Variants in EYA2 observed in about 807,000 individuals in gnomAD.
The protein encoded by EYA2 is protein phosphatase EYA2.
A neutral mutation model predicts 69.2 loss-of-function variants in EYA2; 31 were observed. The observed-to-expected ratio is 0.45, with a 90% CI of 0.34 to 0.60. EYA2 has a LOEUF of 0.60. Among genes scored for constraint, EYA2 ranks in the 20% least tolerant of loss-of-function variants. EYA2 has a pLI of 0.02. For missense variants in EYA2, 622 were observed against 701.2 expected (o/e 0.89, Z 1.28); for synonymous variants, 257 against 279.4 (o/e 0.92, Z 0.80).
At chr20:47,145,467 A>G (rs930174596) in intron 10 of EYA2, among the ~76,000 whole-genome samples, 1 of 152,210 alleles carries the variant, frequency 6.6e-6, no homozygotes, top group African/African-American at 2.4e-5. Flanking sequence ...GGGGCAGGAG[A>G]TATTACAGCA....
At chr20:47,083,523 A>C (rs1201642074) in intron 7 of EYA2, among the ~76,000 whole-genome samples, 3 of 148,746 alleles carry the variant, frequency 2.0e-5, no homozygotes, top group Non-Finnish European at 4.4e-5. Flanking sequence ...GGTTGCAGTG[A>C]GCCAAGATCA....
intron 1 of EYA2, among the ~76,000 whole-genome samples, chr20:46,927,423 C>T (rs1376236209): frequency 5.9e-5 from 9 of 152,170 alleles, no homozygotes; most frequent in Non-Finnish European, 1.0e-4. Flanking sequence ...TCTGTTCTCA[C>T]GCTGCTAATA....
rs2032934445 is a variant in EYA2, at chr20:47,117,532, G to A, written c.888+20364G>A. 7 of 985,224 alleles carry A rather than the reference G, an allele frequency of 7.1e-6. No individual in the cohort carries two copies. The South Asian group carries it at 1.9e-4, about 26-fold the overall frequency. The allele number at this position is 985,224 out of a possible 1,614,324, so 61.0% of individuals were successfully genotyped here. On this transcript the variant is annotated intron_variant, in intron 9 of 15. Transcript: ENST00000327619. ...TCCGCGGGTGTTATTACGTGATTCC[G>A]GCTTGGATTCCGGAATCCAGAACCC...
intron 9 of EYA2, among the ~76,000 whole-genome samples, chr20:47,136,855 C>T (rs12106017): frequency 0.018 from 2,752 of 152,268 alleles, 88 homozygotes; most frequent in African/African-American, 0.063. Context: ...AACCTCTTCA[C>T]CAGCCTCCCA....
chr20:47,095,078 G>A (rs1485464787), intron 8 of EYA2, among the ~76,000 whole-genome samples: 1 of 151,974 alleles, frequency 6.6e-6, no homozygotes, highest in African/African-American at 2.4e-5. Flanking sequence ...AGTTAGAAGT[G>A]AAGTAATTTA....
At chr20:47,117,596 G>A (rs951777690) in intron 9 of EYA2, 11 of 969,438 alleles carry the variant, frequency 1.1e-5, no homozygotes, top group African/African-American at 1.1e-4. Flanking sequence ...TCCAGTTGGC[G>A]ATAGGCGGCT....
chr20:47,027,081 A>G (rs79455557), intron 5 of EYA2, among the ~76,000 whole-genome samples: 2,561 of 152,350 alleles, frequency 0.017, 73 homozygotes, highest in African/African-American at 0.058. Context: ...TTGGGGAACC[A>G]CACAGATCAC....
intron 4 of EYA2, among the ~76,000 whole-genome samples, chr20:47,006,110 G>A (rs1008048319): frequency 1.3e-5 from 2 of 152,210 alleles, no homozygotes; most frequent in African/African-American, 4.8e-5. Flanking sequence ...GGCAAAGACA[G>A]CCCTGGCAGT....
At chr20:47,091,739 T>C (rs1292007044) in intron 8 of EYA2, among the ~76,000 whole-genome samples, 2 of 151,974 alleles carry the variant, frequency 1.3e-5, no homozygotes, top group Non-Finnish European at 2.9e-5. Context: ...ATTGAGAACC[T>C]ATCTCAAAAA....
intron 1 of EYA2, among the ~76,000 whole-genome samples, chr20:46,898,766 C>A (rs914814661): frequency 5.9e-5 from 9 of 152,136 alleles, no homozygotes; most frequent in Admixed American, 3.9e-4. Context: ...GTAAATGAAT[C>A]AGAGGGGCAA....
chr20:47,186,516 C>G (rs1273665359), intron 15 of EYA2, among the ~76,000 whole-genome samples: 1 of 151,994 alleles, frequency 6.6e-6, no homozygotes, highest in Non-Finnish European at 1.5e-5. Flanking sequence ...GCCACCACCA[C>G]GCCCAGCTGA....
intron 10 of EYA2, among the ~76,000 whole-genome samples, chr20:47,150,261 A>G (rs934846225): frequency 2.0e-5 from 3 of 152,146 alleles, no homozygotes; most frequent in South Asian, 4.1e-4. Flanking sequence ...TCTGTGGTCT[A>G]AGTCACCATC....
At chr20:47,168,672 C>G (rs1003390503) in intron 10 of EYA2, among the ~76,000 whole-genome samples, 1 of 152,168 alleles carries the variant, frequency 6.6e-6, no homozygotes, top group Non-Finnish European at 1.5e-5. Flanking sequence ...GGAGCCAATA[C>G]TTGAAGAGCA....
At chr20:47,058,270 C>A (rs1192678367) in intron 5 of EYA2, among the ~76,000 whole-genome samples, 1 of 152,164 alleles carries the variant, frequency 6.6e-6, no homozygotes, top group African/African-American at 2.4e-5. Flanking sequence ...CATAGGCTGG[C>A]AAAAATAGCA....
intron 5 of EYA2, among the ~76,000 whole-genome samples, chr20:47,061,156 A>G (rs1313568094): frequency 2.0e-5 from 3 of 151,956 alleles, no homozygotes; most frequent in African/African-American, 4.8e-5. Context: ...ACCCAGCCCA[A>G]CTTCATCTCT....
intron 5 of EYA2, among the ~76,000 whole-genome samples, chr20:47,058,285 G>A (rs907585155): frequency 6.6e-6 from 1 of 152,200 alleles, no homozygotes; most frequent in Non-Finnish European, 1.5e-5. Flanking sequence ...ATAGCAAGTG[G>A]GATTATGCCA....
At chr20:46,960,981 C>G (rs1354678934) in intron 1 of EYA2, among the ~76,000 whole-genome samples, 2 of 152,180 alleles carry the variant, frequency 1.3e-5, no homozygotes, top group African/African-American at 2.4e-5. Context: ...GGCTGACTCC[C>G]CACCTCCACC....
chr20:47,118,615 A>G (rs2032967364), intron 9 of EYA2, among the ~76,000 whole-genome samples: 1 of 152,212 alleles, frequency 6.6e-6, no homozygotes, highest in South Asian at 2.1e-4. Context: ...ATTTTACAGC[A>G]TTAAAGGATT....
chr20:46,909,829 C>T (rs1984559221), intron 1 of EYA2, among the ~76,000 whole-genome samples: 1 of 152,196 alleles, frequency 6.6e-6, no homozygotes, highest in Non-Finnish European at 1.5e-5. Context: ...CACCCCTCTC[C>T]TCCTGGACTA....
Sources: gnomAD v4.1 joint callset for allele counts (sites outside exome capture counted in the v4.1 genomes callset) on GRCh38, gnomAD v4.1.1 for gene constraint, MANE v1.5 for transcripts, NCBI Gene and HGNC (gene_info 2026-07-23, HGNC 2026-07-21) for gene names.